SLC9A9: variants seen among roughly 807,000 people sequenced by gnomAD.
The protein encoded by SLC9A9 is solute carrier family 9 member A9.
In SLC9A9, 62 loss-of-function variants were observed where a neutral mutation model predicts 77.8. That is an observed-to-expected ratio of 0.80 (90% confidence interval 0.65 to 0.98). The LOEUF (loss-of-function observed/expected upper bound fraction) is 0.98, where lower values mean the gene tolerates loss of function less well. SLC9A9 is among the 50% of genes least tolerant of loss of function. The probability of loss-of-function intolerance (pLI) is 0.00; values close to 1 mark genes in which losing one functional copy is unlikely to be tolerated. For missense variants in SLC9A9, 775 were observed against 774.9 expected, an observed-to-expected ratio of 1.00 and a Z score of 0.00; for synonymous variants, 320 against 283.5, an observed-to-expected ratio of 1.13 and a Z score of -1.29.
intron 1 of SLC9A9, among the ~76,000 whole-genome samples, chr3:143,837,086 A>G (rs1356240480): frequency 6.6e-6 from 1 of 152,224 alleles, no homozygotes; most frequent in Non-Finnish European, 1.5e-5. Flanking sequence ...TTTTTTAAAA[A>G]GCTTAAATAA....
chr3:143,628,227 A>G (rs1441602709), intron 6 of SLC9A9, among the ~76,000 whole-genome samples: 2 of 152,184 alleles, frequency 1.3e-5, no homozygotes, highest in African/African-American at 4.8e-5. Context: ...ATGCACCTCC[A>G]CTTACGATGG....
rs577244600 is a variant in SLC9A9 at position 143,757,649 on chromosome 3, A to T, written c.533+37352T>A. Among the ~76,000 whole-genome samples, 29 of 152,196 alleles carry T rather than the reference A, an allele frequency of 1.9e-4. No homozygotes were observed. In the South Asian group the frequency reaches 5.6e-3, roughly 29 times the overall value. ...AAATGTCGCCTCTTCCAACATCTCA[A>T]ACGTGTGCCTGCCCCACCTACTTAT... On this transcript the variant is annotated intron_variant, in intron 4 of 15. Coordinates refer to ENST00000316549, the MANE Select transcript of SLC9A9 (RefSeq NM_173653.4).
rs114131666 is a variant in SLC9A9, at chr3:143,433,044, T to C, written c.1469+33993A>G. Among the ~76,000 whole-genome samples the C allele has an allele frequency of 7.6e-3, 1,156 of 152,376 alleles. 11 individuals carry two copies. The highest frequency in any genetic ancestry group is 0.026 in the African/African-American group (1,085 of 41,588). On this transcript the variant is annotated intron_variant, in intron 12 of 15. Coordinates refer to ENST00000316549, the MANE Select transcript of SLC9A9 (RefSeq NM_173653.4). ...GTGTTTCAAAGAACTTTCCTTCCTT[T>C]GAACTTAACAGTGAAAGGGAGGTTA...
intron 2 of SLC9A9, among the ~76,000 whole-genome samples, chr3:143,822,026 C>A (rs11919227): frequency 0.26 from 39,813 of 152,048 alleles, 5,220 homozygotes; most frequent in South Asian, 0.36. Context: ...CAGAGAAGCA[C>A]CTCACCCAAC....
At chr3:143,418,117 C>T (rs974959329) in intron 12 of SLC9A9, among the ~76,000 whole-genome samples, 2 of 150,650 alleles carry the variant, frequency 1.3e-5, no homozygotes, top group African/African-American at 4.9e-5. Context: ...TTATCACTCA[C>T]TAGTCACAAA....
At chr3:143,666,583 A>C (rs539931768) in intron 5 of SLC9A9, among the ~76,000 whole-genome samples, 5 of 152,242 alleles carry the variant, frequency 3.3e-5, no homozygotes, top group African/African-American at 9.6e-5. Context: ...TATTTAGAAA[A>C]CCCCATAGTC....
intron 12 of SLC9A9, among the ~76,000 whole-genome samples, chr3:143,460,008 AAAC>A (rs2035161888): frequency 6.6e-6 from 1 of 152,134 alleles, no homozygotes; most frequent in Non-Finnish European, 1.5e-5. Flanking sequence ...AGAATGAAGA[AAAC>A]AACAACAAAT....
intron 12 of SLC9A9, among the ~76,000 whole-genome samples, chr3:143,402,319 G>A (rs1419455362): frequency 6.6e-6 from 1 of 152,080 alleles, no homozygotes; most frequent in African/African-American, 2.4e-5. Context: ...AGAAATTATT[G>A]GAATATACTT....
chr3:143,786,446 T>C (rs1214971632), intron 4 of SLC9A9, among the ~76,000 whole-genome samples: 1 of 152,158 alleles, frequency 6.6e-6, no homozygotes, highest in Non-Finnish European at 1.5e-5. Flanking sequence ...ATCTTCGAGG[T>C]TGTGATAGGC....
At chr3:143,491,653 C>A (rs1204304145) in intron 11 of SLC9A9, among the ~76,000 whole-genome samples, 7 of 152,098 alleles carry the variant, frequency 4.6e-5, no homozygotes, top group Non-Finnish European at 8.8e-5. Flanking sequence ...TTAGAAGGTG[C>A]GAAAGCCTGG....
At chr3:143,694,541 T>G (rs933643811) in intron 4 of SLC9A9, among the ~76,000 whole-genome samples, 1 of 152,184 alleles carries the variant, frequency 6.6e-6, no homozygotes, top group African/African-American at 2.4e-5. Flanking sequence ...CATTTCTACT[T>G]CTACACATGC....
rs560091391 is a variant in SLC9A9 at position 143,444,745 on chromosome 3, C to G, written c.1469+22292G>C. ...CTTATTTTCCTTCTCTTCCTTACCC[C>G]ATTCCTAGTTGCTAGCTTGACTTCT... is the stretch of plus-strand genomic sequence containing the variant. On this transcript the variant is annotated intron_variant, in intron 12 of 15. Transcript: ENST00000316549. 3.9e-5 allele frequency among the ~76,000 whole-genome samples: 6 copies of G among 152,296 alleles called. No individual in the cohort carries two copies. The East Asian group carries it at 9.6e-4, about 24-fold the overall frequency.
At chr3:143,442,642 A>G (rs924719769) in intron 12 of SLC9A9, among the ~76,000 whole-genome samples, 3 of 152,220 alleles carry the variant, frequency 2.0e-5, no homozygotes, top group African/African-American at 7.2e-5. Flanking sequence ...GAATTGCTTG[A>G]ACCCGGGAGG....
At chr3:143,723,481 C>T (rs7642816) in intron 4 of SLC9A9, among the ~76,000 whole-genome samples, 1 of 152,014 alleles carries the variant, frequency 6.6e-6, no homozygotes, top group Non-Finnish European at 1.5e-5. Flanking sequence ...AGTGGGGACA[C>T]AAGATGATTT....
chr3:143,716,181 C>T (rs556059112), intron 4 of SLC9A9, among the ~76,000 whole-genome samples: 6 of 152,022 alleles, frequency 3.9e-5, no homozygotes, highest in Non-Finnish European at 8.8e-5. Flanking sequence ...CTCAAGAGAT[C>T]CTCCTGCCTC....
intron 2 of SLC9A9, among the ~76,000 whole-genome samples, chr3:143,812,970 A>C (rs2008909373): frequency 6.6e-6 from 1 of 152,210 alleles, no homozygotes; most frequent in Non-Finnish European, 1.5e-5. Context: ...AAGGACATGA[A>C]ATATTTACCT....
intron 11 of SLC9A9, among the ~76,000 whole-genome samples, chr3:143,480,595 C>T (rs899921471): frequency 6.6e-6 from 1 of 152,158 alleles, no homozygotes; most frequent in African/African-American, 2.4e-5. Flanking sequence ...CCTCAGAAGA[C>T]CTACTCCCAT....
chr3:143,702,699 G>A (rs1010056390), intron 4 of SLC9A9, among the ~76,000 whole-genome samples: 1 of 151,868 alleles, frequency 6.6e-6, no homozygotes, highest in African/African-American at 2.4e-5. Flanking sequence ...CAAAATGGCA[G>A]AAGTCCCTAC....
intron 9 of SLC9A9, among the ~76,000 whole-genome samples, chr3:143,523,045 G>C (rs2036339724): frequency 1.3e-5 from 2 of 152,140 alleles, no homozygotes; most frequent in South Asian, 4.2e-4. Flanking sequence ...CTATATAACA[G>C]GGTCTCTTCC....
Sources: gnomAD v4.1 joint callset for allele counts (sites outside exome capture counted in the v4.1 genomes callset) on GRCh38, gnomAD v4.1.1 for gene constraint, MANE v1.5 for transcripts, NCBI Gene and HGNC (gene_info 2026-07-23, HGNC 2026-07-21) for gene names.